Variants in ZNF385D observed in about 807,000 individuals in gnomAD.
ZNF385D encodes zinc finger protein 385D, also known as zinc finger protein 659.
In ZNF385D, 15 loss-of-function variants were observed where a neutral mutation model predicts 35.8. That is an observed-to-expected ratio of 0.42 (90% CI 0.28 to 0.64). The LOEUF is 0.64. Ranked by LOEUF, ZNF385D falls within the 30% of genes least tolerant of loss-of-function variation. ZNF385D has a pLI of 0.23. For missense variants in ZNF385D, 474 were observed against 494.6 expected, an observed-to-expected ratio of 0.96 and a Z score of 0.39; for synonymous variants, 212 against 186.8, an observed-to-expected ratio of 1.13 and a Z score of -1.10.
intron 3 of ZNF385D, among the ~76,000 whole-genome samples, chr3:21,910,450 T>C (rs1273769244): frequency 1.3e-5 from 2 of 151,964 alleles, no homozygotes; most frequent in African/African-American, 4.8e-5. Flanking sequence ...TTTGAAATAT[T>C]AAGTCTTGTT....
chr3:21,633,275 G>C (rs974347053), intron 2 of ZNF385D, among the ~76,000 whole-genome samples: 2 of 151,964 alleles, frequency 1.3e-5, no homozygotes, highest in Non-Finnish European at 2.9e-5. Flanking sequence ...ATAACAGCTG[G>C]CTATAGCACT....
At chr3:21,686,164 G>A (rs116602532) in intron 1 of ZNF385D, among the ~76,000 whole-genome samples, 1,676 of 152,244 alleles carry the variant, frequency 0.011, 28 homozygotes, top group African/African-American at 0.038. Flanking sequence ...AATGTCAGAT[G>A]ATTTGTTAGT....
intron 2 of ZNF385D, among the ~76,000 whole-genome samples, chr3:22,250,692 T>C (rs967731780): frequency 6.6e-6 from 1 of 152,074 alleles, no homozygotes; most frequent in Admixed American, 6.6e-5. Context: ...CCCATGCCAT[T>C]GCACAGGTTA....
At chr3:21,454,748 G>A (rs1702682183) in intron 4 of ZNF385D, among the ~76,000 whole-genome samples, 1 of 152,144 alleles carries the variant, frequency 6.6e-6, no homozygotes, top group Admixed American at 6.6e-5. Context: ...GGGAAGTCAG[G>A]CAGGAGAAAG....
chr3:22,066,051 G>C (rs1021564956), intron 3 of ZNF385D, among the ~76,000 whole-genome samples: 2 of 152,046 alleles, frequency 1.3e-5, no homozygotes, highest in African/African-American at 4.8e-5. Flanking sequence ...AGTGACAAAA[G>C]AGCTGTTGTA....
At chr3:21,653,146 A>C (rs746100943) in intron 2 of ZNF385D, among the ~76,000 whole-genome samples, 1 of 152,132 alleles carries the variant, frequency 6.6e-6, no homozygotes, top group Admixed American at 6.5e-5. Context: ...CATATATTCT[A>C]TAATTCTATT....
intron 3 of ZNF385D, chr3:21,561,968 A>G (rs1480327108): frequency 6.6e-6 from 1 of 152,212 alleles, no homozygotes; most frequent in Non-Finnish European, 1.5e-5. Context: ...TTTAGCAGCA[A>G]TAGAAGACTA....
intron 3 of ZNF385D, among the ~76,000 whole-genome samples, chr3:21,784,170 TA>T (rs1324465116): frequency 1.3e-5 from 2 of 152,144 alleles, no homozygotes; most frequent in African/African-American, 2.4e-5. Context: ...AATAAAACTT[TA>T]AAACCAGCCT....
intron 3 of ZNF385D, among the ~76,000 whole-genome samples, chr3:22,128,323 T>C (rs1703563106): frequency 6.6e-6 from 1 of 152,174 alleles, no homozygotes; most frequent in Non-Finnish European, 1.5e-5. Context: ...CTTTCCCTTA[T>C]TCTTGACTTT....
chr3:22,075,872 C>T (rs1700438856), intron 3 of ZNF385D, among the ~76,000 whole-genome samples: 1 of 151,816 alleles, frequency 6.6e-6, no homozygotes, highest in Admixed American at 6.6e-5. Flanking sequence ...TCTTGTCTTC[C>T]CAAACTTCGT....
At chr3:22,285,362 T>C (rs1038171284) in intron 2 of ZNF385D, among the ~76,000 whole-genome samples, 1 of 152,130 alleles carries the variant, frequency 6.6e-6, no homozygotes, top group Non-Finnish European at 1.5e-5. Flanking sequence ...AGATTATCTA[T>C]TACAAATGAC....
At chr3:22,190,945 A>C (rs1271177916) in intron 2 of ZNF385D, among the ~76,000 whole-genome samples, 1 of 152,140 alleles carries the variant, frequency 6.6e-6, no homozygotes, top group Non-Finnish European at 1.5e-5. Flanking sequence ...AAAGTACCTA[A>C]AAGTCATATT....
At chr3:21,511,275 C>G (rs910844369) in intron 3 of ZNF385D, among the ~76,000 whole-genome samples, 6 of 152,006 alleles carry the variant, frequency 3.9e-5, no homozygotes, top group African/African-American at 1.5e-4. Flanking sequence ...ACTGACACAT[C>G]AACAACATTT....
At chr3:21,566,853 C>T (rs570995821) in intron 2 of ZNF385D, among the ~76,000 whole-genome samples, 8 of 152,144 alleles carry the variant, frequency 5.3e-5, no homozygotes, top group Non-Finnish European at 1.2e-4. Flanking sequence ...TCTCTGCCTC[C>T]TCCTCCCAGA....
intron 3 of ZNF385D, among the ~76,000 whole-genome samples, chr3:21,827,911 G>A (rs1261858124): frequency 2.0e-5 from 3 of 152,004 alleles, no homozygotes; most frequent in Non-Finnish European, 4.4e-5. Flanking sequence ...TTGGTAGAGG[G>A]CTTAACATAT....
intron 2 of ZNF385D, among the ~76,000 whole-genome samples, chr3:21,594,713 C>G (rs4858336): frequency 0.55 from 84,103 of 151,954 alleles, 24,585 homozygotes; most frequent in African/African-American, 0.76. Context: ...CCTGTGCCTT[C>G]CCTTGTGCCA....
chr3:22,104,382 T>G (rs1702100031), intron 3 of ZNF385D, among the ~76,000 whole-genome samples: 1 of 152,188 alleles, frequency 6.6e-6, no homozygotes. Flanking sequence ...TGTTGATTCT[T>G]GTCACATTGC....
intron 4 of ZNF385D, among the ~76,000 whole-genome samples, chr3:21,487,651 G>C (rs1249755966): frequency 6.6e-6 from 1 of 151,958 alleles, no homozygotes; most frequent in Non-Finnish European, 1.5e-5. Context: ...AATACACATA[G>C]CTAGATCACA....
chr3:22,159,393 G>A (rs1705800653), intron 3 of ZNF385D, among the ~76,000 whole-genome samples: 1 of 151,932 alleles, frequency 6.6e-6, no homozygotes, highest in Non-Finnish European at 1.5e-5. Context: ...AAAAACTAGA[G>A]TATACTTCAT....
Sources: gnomAD v4.1 joint callset for allele counts (sites outside exome capture counted in the v4.1 genomes callset) on GRCh38, gnomAD v4.1.1 for gene constraint, MANE v1.5 for transcripts, NCBI Gene and HGNC (gene_info 2026-07-23, HGNC 2026-07-21) for gene names.